Variants in IL7 observed in about 807,000 individuals in gnomAD.
IL7 encodes the protein interleukin 7.
Under a neutral mutation model 21.6 loss-of-function variants are expected in IL7, and 3 were observed. The observed-to-expected ratio is 0.14, with a 90% CI of 0.06 to 0.36. The LOEUF is 0.36. Ranked by LOEUF, IL7 falls within the 10% of genes least tolerant of loss-of-function variation. The probability of loss-of-function intolerance (pLI) is 1.00; values close to 1 mark genes in which losing one functional copy is unlikely to be tolerated. For missense variants in IL7, 175 were observed against 200.2 expected (o/e 0.87, Z 0.76); for synonymous variants, 62 against 68.1 (o/e 0.91, Z 0.44).
At chr8:78,760,087 T>G in intron 2 of IL7, 31 of 1,466,548 alleles carry the variant, frequency 2.1e-5, no homozygotes, top group Non-Finnish European at 2.4e-5. Flanking sequence ...TACATACACC[T>G]TACGGCTTTT....
rs891498529 is a variant in IL7, at chr8:78,696,702, G to A, written n.215-10755C>T. ...AATTTAAGATGGTCTGGTGAGGATC[G>A]TGAAGCCAGAATTAGCTCTTTCTCT... is the stretch of plus-strand genomic sequence containing the variant. On this transcript the variant is annotated intron_variant and non_coding_transcript_variant, in intron 3 of 4. Transcript: ENST00000523959. 3.3e-5 allele frequency among the ~76,000 whole-genome samples: 5 copies of A among 152,288 alleles called. No individual in the cohort carries two copies. The South Asian group carries it at 8.3e-4, about 25-fold the overall frequency.
At chr8:78,717,419 G>A, downstream of IL7, 4 of 1,613,348 alleles carry the variant, frequency 2.5e-6, no homozygotes, top group South Asian at 3.3e-5. Flanking sequence ...ATTCTGCCAT[G>A]AGTGTGGGAC....
chr8:78,685,088 A>G (rs1809922621), intron 4 of IL7, among the ~76,000 whole-genome samples: 1 of 152,212 alleles, frequency 6.6e-6, no homozygotes, highest in Non-Finnish European at 1.5e-5. Context: ...CAATATTGAA[A>G]ATACTGGTAC....
exon 5 of IL7, chr8:78,675,842 A>G: frequency 6.2e-7 from 1 of 1,611,482 alleles, no homozygotes; most frequent in Non-Finnish European, 8.5e-7. Flanking sequence ...TTTGTGGAAG[A>G]ACATTCTTTC....
At chr8:78,713,707 A>G (rs191431710), downstream of IL7, among the ~76,000 whole-genome samples, 5 of 152,332 alleles carry the variant, frequency 3.3e-5, no homozygotes, top group Admixed American at 2.6e-4. Context: ...AGAAGTAACT[A>G]TGCAAAGCAA....
chr8:78,706,888 A>G (rs1046758679), intron 3 of IL7, among the ~76,000 whole-genome samples: 2 of 152,214 alleles, frequency 1.3e-5, no homozygotes, highest in African/African-American at 4.8e-5. Flanking sequence ...AGGAAAAAAA[A>G]ATCAACCAAC....
At chr8:78,677,157 A>G (rs1385978552) in intron 4 of IL7, among the ~76,000 whole-genome samples, 2 of 152,148 alleles carry the variant, frequency 1.3e-5, no homozygotes, top group Non-Finnish European at 2.9e-5. Context: ...AAAGTTTGAC[A>G]GTTCTACCTT....
chr8:78,805,202 TG>T lies in IL7; in HGVS notation c.-281del. 2.6e-6 allele frequency: 1 copy of T among 391,916 alleles called. No homozygotes were observed. 24.3% of individuals were successfully genotyped at this position (391,916 alleles called of 1,614,324 possible). A position where few individuals can be genotyped will look rare whatever the true frequency, so the allele number is the denominator to read the frequency against. On this transcript the variant is annotated 5_prime_UTR_variant, in exon 1 of 6. It removes the in-frame stop codon of an upstream open reading frame in the 5' UTR. Coordinates refer to ENST00000263851, the MANE Select transcript of IL7 (RefSeq NM_000880.4). Reference sequence around the variant, plus strand: ...GTACTTTCAGTTTCTACTTTGCGCTTGGTCTGCAGGTTCAATCTTTGGGATC... The same window carrying T: ...GTACTTTCAGTTTCTACTTTGCGCTTGTCTGCAGGTTCAATCTTTGGGATC...
intron 2 of IL7, among the ~76,000 whole-genome samples, chr8:78,758,805 T>C (rs1329957764): frequency 6.6e-6 from 1 of 152,128 alleles, no homozygotes; most frequent in Non-Finnish European, 1.5e-5. Flanking sequence ...CCTTTCACAG[T>C]GTAACTTTAA....
chr8:78,790,975 G>T (rs907131995), intron 2 of IL7, among the ~76,000 whole-genome samples: 2 of 149,426 alleles, frequency 1.3e-5, no homozygotes, highest in African/African-American at 2.4e-5. Context: ...CTTATCCAAA[G>T]AAAGAGTAAT....
intron 2 of IL7, among the ~76,000 whole-genome samples, chr8:78,757,142 T>G (rs1353325635): frequency 1.3e-5 from 2 of 152,016 alleles, no homozygotes; most frequent in Non-Finnish European, 2.9e-5. Flanking sequence ...TTTTCATTAA[T>G]CTAATGATCA....
downstream of IL7, among the ~76,000 whole-genome samples, chr8:78,714,828 C>T (rs774900964): frequency 3.3e-5 from 5 of 152,044 alleles, no homozygotes; most frequent in Non-Finnish European, 5.9e-5. Context: ...TTAACTACAT[C>T]GTATATGCCT....
At chr8:78,777,926 G>T (rs1479512943) in intron 2 of IL7, among the ~76,000 whole-genome samples, 1 of 151,892 alleles carries the variant, frequency 6.6e-6, no homozygotes, top group South Asian at 2.1e-4. Context: ...TCTTCGGCCT[G>T]GTATGTAAGG....
At chr8:78,707,492 C>G (rs1278002422) in intron 3 of IL7, among the ~76,000 whole-genome samples, 3 of 152,202 alleles carry the variant, frequency 2.0e-5, no homozygotes, top group African/African-American at 7.2e-5. Flanking sequence ...GACAACTGAT[C>G]CAAGAAAATC....
downstream of IL7, chr8:78,715,304 C>T (rs909283706): frequency 1.2e-6 from 2 of 1,613,540 alleles, no homozygotes; most frequent in African/African-American, 1.3e-5. Flanking sequence ...AAAAGAAAAA[C>T]ATATACTGAG....
At chr8:78,734,502 T>G (rs181705933) in intron 5 of IL7, among the ~76,000 whole-genome samples, 32 of 152,330 alleles carry the variant, frequency 2.1e-4, no homozygotes, top group Non-Finnish European at 2.5e-4. Context: ...ATTCTTCACT[T>G]AGATAACAAC....
intron 2 of IL7, among the ~76,000 whole-genome samples, chr8:78,783,050 G>A (rs1813392848): frequency 6.6e-6 from 1 of 152,138 alleles, no homozygotes; most frequent in African/African-American, 2.4e-5. Flanking sequence ...AGGGGAAAAG[G>A]CAGACTGGAG....
intron 3 of IL7, among the ~76,000 whole-genome samples, chr8:78,709,618 C>G (rs1185165300): frequency 6.6e-6 from 1 of 151,306 alleles, no homozygotes; most frequent in Non-Finnish European, 1.5e-5. Flanking sequence ...TGCCTTAGAG[C>G]AGGGGGGTGT....
In IL7 at chr8:78,697,415, A is replaced by G. The variant is rs780479715; in HGVS notation, n.215-11468T>C. On this transcript the variant is annotated intron_variant and non_coding_transcript_variant, in intron 3 of 4. Coordinates refer to the IL7 transcript ENST00000523959. ...TTTTTCCATTATTTTAGTATAAGCC[A>G]CCCGCACTTAAAAAGTCAAATTCTC... The G allele has an allele frequency of 5.0e-6, 8 of 1,598,424 alleles. No homozygotes were observed. In the South Asian group the frequency reaches 9.1e-5, roughly 18 times the overall value.
Sources: allele counts gnomAD v4.1 joint callset (sites outside exome capture counted in the v4.1 genomes callset), GRCh38; gene constraint gnomAD v4.1.1; transcripts MANE v1.5; gene names NCBI Gene and HGNC (gene_info 2026-07-23, HGNC 2026-07-21).